GRIK2: variants seen among roughly 807,000 people sequenced by gnomAD.
GRIK2 encodes the protein glutamate ionotropic receptor kainate type subunit 2.
In GRIK2, 32 loss-of-function variants were observed where a neutral mutation model predicts 100.3. That is an observed-to-expected ratio of 0.32 (90% CI 0.24 to 0.43). The LOEUF (loss-of-function observed/expected upper bound fraction) is 0.43. GRIK2 is among the 20% of genes least tolerant of loss of function. GRIK2 has a pLI of 1.00. For missense variants in GRIK2, 843 were observed against 1,114.9 expected, an observed-to-expected ratio of 0.76 and a Z score of 3.47; for synonymous variants, 417 against 389.4, an observed-to-expected ratio of 1.07 and a Z score of -0.83.
At chr6:101,870,610 T>C (rs758960089) in intron 11 of GRIK2, among the ~76,000 whole-genome samples, 7 of 151,806 alleles carry the variant, frequency 4.6e-5, no homozygotes, top group Non-Finnish European at 7.4e-5. Flanking sequence ...ATATAAATTA[T>C]CCACCTACCC....
At chr6:101,898,682 A>G (rs1787642038) in intron 12 of GRIK2, among the ~76,000 whole-genome samples, 1 of 152,022 alleles carries the variant, frequency 6.6e-6, no homozygotes, top group African/African-American at 2.4e-5. Context: ...TTATAAAGCT[A>G]GTCTCTGGAA....
intron 7 of GRIK2, chr6:101,744,969 T>C (rs1776337093): frequency 6.6e-6 from 1 of 152,128 alleles, no homozygotes; most frequent in Admixed American, 6.5e-5. Context: ...TGTTTAATTC[T>C]AAGCTTCCTT....
intron 2 of GRIK2, among the ~76,000 whole-genome samples, chr6:101,539,449 G>A (rs1268689991): frequency 6.6e-6 from 1 of 151,718 alleles, no homozygotes; most frequent in African/African-American, 2.4e-5. Flanking sequence ...TTTACATGAT[G>A]AAATCAGAAA....
intron 11 of GRIK2, among the ~76,000 whole-genome samples, chr6:101,862,944 AT>A (rs1204325564): frequency 6.6e-6 from 1 of 152,092 alleles, no homozygotes; most frequent in East Asian, 1.9e-4. Context: ...ATGACTTGAA[AT>A]TTTTTGGTTA....
intron 11 of GRIK2, chr6:101,860,980 C>T (rs996421971): frequency 1.3e-6 from 1 of 768,580 alleles, no homozygotes; most frequent in African/African-American, 1.9e-5. Flanking sequence ...CTCTTCTCCA[C>T]TTTCCCATAC....
intron 7 of GRIK2, among the ~76,000 whole-genome samples, chr6:101,753,287 A>C (rs1307252931): frequency 7.6e-6 from 1 of 131,208 alleles, no homozygotes; most frequent in African/African-American, 4.3e-5. Context: ...CGTCTCAAAA[A>C]AAAAAAAAAA....
At chr6:102,042,095 A>G (rs1215420903) in intron 15 of GRIK2, among the ~76,000 whole-genome samples, 1 of 151,738 alleles carries the variant, frequency 6.6e-6, no homozygotes, top group African/African-American at 2.4e-5. Context: ...AATTCCTATC[A>G]TAAGGCATTA....
At chr6:101,970,350 G>C (rs1792966783) in intron 14 of GRIK2, among the ~76,000 whole-genome samples, 1 of 151,942 alleles carries the variant, frequency 6.6e-6, no homozygotes, top group African/African-American at 2.4e-5. Flanking sequence ...AATTTAGGCA[G>C]CCAGTGTTAT....
intron 14 of GRIK2, among the ~76,000 whole-genome samples, chr6:102,025,325 A>T (rs13197158): frequency 0.27 from 40,909 of 151,034 alleles, 5,930 homozygotes; most frequent in East Asian, 0.34. Flanking sequence ...TTCTAGTAGG[A>T]AGAGAGAGAA....
At chr6:101,563,885 CA>C (rs375730047) in intron 2 of GRIK2, among the ~76,000 whole-genome samples, 2,474 of 147,456 alleles carry the variant, frequency 0.017, 64 homozygotes, top group African/African-American at 0.058. Flanking sequence ...ATGGGAAAAA[CA>C]AAAAAAAATA....
chr6:101,468,829 C>T (rs184322720), intron 2 of GRIK2, among the ~76,000 whole-genome samples: 39 of 152,194 alleles, frequency 2.6e-4, no homozygotes, highest in Middle Eastern at 3.4e-3. Flanking sequence ...TATAAGGTTC[C>T]TCATGATAAT....
At chr6:102,059,746 C>G (rs1205298642) in intron 16 of GRIK2, among the ~76,000 whole-genome samples, 1 of 150,632 alleles carries the variant, frequency 6.6e-6, no homozygotes, top group Non-Finnish European at 1.5e-5. Flanking sequence ...AACAGACATA[C>G]ATAATTTTTC....
chr6:101,906,261 C>A (rs1413363770), intron 12 of GRIK2, among the ~76,000 whole-genome samples: 2 of 151,442 alleles, frequency 1.3e-5, no homozygotes, highest in Admixed American at 6.6e-5. Context: ...AGACAATTAG[C>A]AATTTCTCTT....
chr6:101,880,579 A>G lies in GRIK2; in HGVS notation c.1525-9061A>G, dbSNP rs995313856. 4.6e-5 allele frequency among the ~76,000 whole-genome samples: 7 copies of G among 152,120 alleles called. No homozygotes were observed. The South Asian group carries it at 1.4e-3, about 31-fold the overall frequency. On this transcript the variant is annotated intron_variant, in intron 11 of 16. Coordinates refer to ENST00000369134, the MANE Select transcript of GRIK2 (RefSeq NM_021956.5). ...AGTCGAGAAAATAGAAATTTACTGT[A>G]TTTTACTATGAGATATATTTATATG...
intron 15 of GRIK2, among the ~76,000 whole-genome samples, 157 bp from the exon 16 acceptor site, chr6:102,055,173 C>T (rs1771403320): frequency 1.3e-5 from 2 of 152,026 alleles, no homozygotes; most frequent in South Asian, 2.1e-4. Context: ...TCTTGTTAAA[C>T]GTCTATGTGT....
chr6:101,665,255 TC>T (rs1225656720), intron 4 of GRIK2, among the ~76,000 whole-genome samples: 1 of 151,928 alleles, frequency 6.6e-6, no homozygotes, highest in Non-Finnish European at 1.5e-5. Flanking sequence ...CCCTACTGCT[TC>T]CCCCATCCAG....
At chr6:101,827,371 A>G (rs542919320) in intron 10 of GRIK2, among the ~76,000 whole-genome samples, 64 of 152,098 alleles carry the variant, frequency 4.2e-4, no homozygotes, top group Middle Eastern at 3.4e-3. Context: ...AAAAAAGTAA[A>G]TAATAAGCAT....
At chr6:101,410,885 G>A (rs770545559) in intron 2 of GRIK2, among the ~76,000 whole-genome samples, 5 of 152,010 alleles carry the variant, frequency 3.3e-5, no homozygotes, top group Non-Finnish European at 5.9e-5. Flanking sequence ...AGGGTAAGGT[G>A]GAGGACAATC....
rs180754773 is a variant in GRIK2 at position 102,005,190 on chromosome 6, G to A, written c.2086-30151G>A. Among the ~76,000 whole-genome samples the A allele has an allele frequency of 2.6e-5, 4 of 151,070 alleles. No homozygotes were observed. The South Asian group carries it at 8.3e-4, about 31-fold the overall frequency. Reference sequence around the variant, plus strand: ...AGTATATATACACAATTCCCTCTAAGATATGTACATATATATGTGTATAGA... The same window carrying A: ...AGTATATATACACAATTCCCTCTAAAATATGTACATATATATGTGTATAGA... On this transcript the variant is annotated intron_variant, in intron 14 of 16. Coordinates refer to ENST00000369134, the MANE Select transcript of GRIK2 (RefSeq NM_021956.5).
Sources: allele counts gnomAD v4.1 joint callset (sites outside exome capture counted in the v4.1 genomes callset), GRCh38; gene constraint gnomAD v4.1.1; transcripts MANE v1.5; gene names NCBI Gene and HGNC (gene_info 2026-07-23, HGNC 2026-07-21).